AGBL4: variants seen among roughly 807,000 people sequenced by gnomAD.
AGBL4 encodes the protein AGBL carboxypeptidase 4.
Under a neutral mutation model 66.4 loss-of-function variants are expected in AGBL4, and 58 were observed. The observed-to-expected ratio is 0.87, with a 90% CI of 0.71 to 1.09. AGBL4 has a LOEUF of 1.09. AGBL4 is among the 50% of genes least tolerant of loss of function. The pLI is 0.00. For missense variants in AGBL4, 579 were observed against 631.0 expected (o/e 0.92, Z 0.88); for synonymous variants, 234 against 222.9 (o/e 1.05, Z -0.44).
chr1:48,877,510 G>A (rs1362349893), intron 5 of AGBL4, among the ~76,000 whole-genome samples: 1 of 151,820 alleles, frequency 6.6e-6, no homozygotes, highest in Non-Finnish European at 1.5e-5. Context: ...TTACATATTT[G>A]ATTATTTATA....
At chr1:49,784,193 C>T (rs1231213570) in intron 2 of AGBL4, among the ~76,000 whole-genome samples, 1 of 152,062 alleles carries the variant, frequency 6.6e-6, no homozygotes, top group Non-Finnish European at 1.5e-5. Flanking sequence ...AAAAGAAGAA[C>T]AAAGTTGCAT....
intron 3 of AGBL4, among the ~76,000 whole-genome samples, chr1:49,541,213 C>A (rs1651988334): frequency 6.6e-6 from 1 of 152,228 alleles, no homozygotes; most frequent in Admixed American, 6.5e-5. Flanking sequence ...CCTCCTCAGC[C>A]TCTGCGCCCA....
intron 4 of AGBL4, among the ~76,000 whole-genome samples, chr1:49,085,868 G>C (rs1290166135): frequency 6.6e-6 from 1 of 152,100 alleles, no homozygotes; most frequent in East Asian, 1.9e-4. Flanking sequence ...TGGACATTTT[G>C]TGGGGGCAAC....
At chr1:49,606,914 G>T (rs1366926074) in intron 3 of AGBL4, among the ~76,000 whole-genome samples, 3 of 152,032 alleles carry the variant, frequency 2.0e-5, no homozygotes, top group Non-Finnish European at 4.4e-5. Flanking sequence ...AGGGTCTGTG[G>T]AGGCCTGGGC....
chr1:48,631,913 G>A (rs1645599939), intron 9 of AGBL4, among the ~76,000 whole-genome samples: 1 of 152,116 alleles, frequency 6.6e-6, no homozygotes, highest in Non-Finnish European at 1.5e-5. Context: ...CATACTTTGT[G>A]CTTTTGTTCT....
chr1:48,800,177 A>T (rs1290880463), intron 6 of AGBL4, among the ~76,000 whole-genome samples: 4 of 152,064 alleles, frequency 2.6e-5, no homozygotes, highest in East Asian at 3.9e-4. Context: ...CAATCTCACC[A>T]TTTGTTATCG....
chr1:49,971,308 T>C (rs1010984678), intron 1 of AGBL4, among the ~76,000 whole-genome samples: 2 of 152,230 alleles, frequency 1.3e-5, no homozygotes, highest in East Asian at 1.9e-4. Flanking sequence ...ATATGCTACC[T>C]GCCCATTAGT....
intron 5 of AGBL4, among the ~76,000 whole-genome samples, chr1:48,952,311 C>A (rs1180969400): frequency 6.6e-6 from 1 of 152,150 alleles, no homozygotes; most frequent in Admixed American, 6.6e-5. Flanking sequence ...AGGCTTTACC[C>A]TTTGGAGCTT....
intron 3 of AGBL4, among the ~76,000 whole-genome samples, chr1:49,309,513 T>C (rs1434826815): frequency 6.6e-6 from 1 of 152,116 alleles, no homozygotes; most frequent in East Asian, 1.9e-4. Flanking sequence ...TAACCATCCT[T>C]GCCTTGGCTA....
At chr1:48,740,788 C>T (rs1649798762) in intron 6 of AGBL4, among the ~76,000 whole-genome samples, 1 of 152,146 alleles carries the variant, frequency 6.6e-6, no homozygotes. Context: ...GAGCCAAGAA[C>T]AATGAGGGCT....
intron 3 of AGBL4, among the ~76,000 whole-genome samples, chr1:49,297,655 A>G (rs571827461): frequency 1.8e-4 from 28 of 152,346 alleles, no homozygotes; most frequent in African/African-American, 6.3e-4. Context: ...GAAAGGAAGG[A>G]CAGAAACTGA....
intron 2 of AGBL4, among the ~76,000 whole-genome samples, chr1:49,817,987 A>C (rs1014318566): frequency 6.6e-6 from 1 of 152,194 alleles, no homozygotes; most frequent in South Asian, 2.1e-4. Flanking sequence ...GTTACAGAGA[A>C]GTTGTCAGGA....
At chr1:49,284,818 G>A (rs1644365739) in intron 3 of AGBL4, among the ~76,000 whole-genome samples, 1 of 150,766 alleles carries the variant, frequency 6.6e-6, no homozygotes, top group African/African-American at 2.4e-5. Flanking sequence ...AACAAGAAGA[G>A]CTAACTATCC....
In AGBL4 at chr1:48,588,471, G is replaced by T. The variant is rs562903978; in HGVS notation, c.1105-1305C>A. Among the ~76,000 whole-genome samples, 17 of 152,226 alleles carry T rather than the reference G, an allele frequency of 1.1e-4. No individual in the cohort carries two copies. In the East Asian group the frequency reaches 3.1e-3, roughly 28 times the overall value. On this transcript the variant is annotated intron_variant, in intron 10 of 13. Coordinates refer to ENST00000371839, the MANE Select transcript of AGBL4 (RefSeq NM_032785.4). ...AATATCTCTTTCACAGAGTTGTGAG[G>T]GTCAGTTCACTTGGGGTTAGAAGGG...
In AGBL4 at chr1:49,472,880, C is replaced by T. The variant is rs376124447; in HGVS notation, c.282+224433G>A. On this transcript the variant is annotated intron_variant, in intron 3 of 13. Transcript: ENST00000371839. ...TTCCCATCTTTGTGTCCATGTGTAC[C>T]GTATGTTTTACTCCCATTTATAAGT... Among the ~76,000 whole-genome samples, 53 of 151,966 alleles carry T rather than the reference C, an allele frequency of 3.5e-4. 1 individual carries two copies. The South Asian group carries it at 9.8e-3, about 28-fold the overall frequency.
At chr1:48,537,426 TGAGATCTCCC>T (rs1291639706) in intron 12 of AGBL4, among the ~76,000 whole-genome samples, 1 of 152,152 alleles carries the variant, frequency 6.6e-6, no homozygotes, top group Non-Finnish European at 1.5e-5. Flanking sequence ...CTCAGGGCCC[TGAGATCTCCC>T]CTATGTCCTT....
At chr1:49,508,592 A>C (rs1264224552) in intron 3 of AGBL4, among the ~76,000 whole-genome samples, 2 of 151,968 alleles carry the variant, frequency 1.3e-5, no homozygotes, top group Non-Finnish European at 2.9e-5. Flanking sequence ...TTAGAAAAGT[A>C]ATATGTTTAG....
chr1:49,630,861 A>G (rs1281287951), intron 3 of AGBL4, among the ~76,000 whole-genome samples: 1 of 152,118 alleles, frequency 6.6e-6, no homozygotes, highest in African/African-American at 2.4e-5. Flanking sequence ...TATTATTTGT[A>G]GTAGTAGTAT....
At chr1:48,664,270 T>C (rs934451370) in intron 6 of AGBL4, among the ~76,000 whole-genome samples, 6 of 152,180 alleles carry the variant, frequency 3.9e-5, no homozygotes, top group Admixed American at 6.5e-5. Flanking sequence ...GATTCTTTGT[T>C]GGATGTGCAT....
Sources: gnomAD v4.1 joint callset for allele counts (sites outside exome capture counted in the v4.1 genomes callset) on GRCh38, gnomAD v4.1.1 for gene constraint, MANE v1.5 for transcripts, NCBI Gene and HGNC (gene_info 2026-07-23, HGNC 2026-07-21) for gene names.